PDGFD: variants seen among roughly 807,000 people sequenced by gnomAD.
PDGFD encodes platelet derived growth factor D.
Under a neutral mutation model 44.7 loss-of-function variants are expected in PDGFD, and 30 were observed. The ratio of observed to expected loss-of-function variants is 0.67; its 90% CI spans 0.50 to 0.91. The LOEUF (loss-of-function observed/expected upper bound fraction) is 0.91, where lower values mean the gene tolerates loss of function less well. Among genes scored for constraint, PDGFD ranks in the 40% least tolerant of loss-of-function variants. The pLI is 0.00. For synonymous variants in PDGFD, 173 were observed against 168.4 expected (o/e 1.03, Z -0.21); for missense variants, 445 against 457.8 (o/e 0.97, Z 0.25).
At position 103,953,561 on chromosome 11, in the gene PDGFD, GA is replaced by G. The variant is rs369948535; in HGVS notation, c.511-5838del. On this transcript the variant is annotated intron_variant, in intron 3 of 6. Coordinates refer to ENST00000393158, the MANE Select transcript of PDGFD (RefSeq NM_025208.5). ...AAATTTCTAAAACTACAATGGAAAA[GA>G]AAAAATGGACTGGATGTGTGTACAC... 6.2e-4 allele frequency among the ~76,000 whole-genome samples: 95 copies of G among 152,152 alleles called. 1 individual carries two copies. The highest frequency in any genetic ancestry group is 2.2e-3 in the African/African-American group (92 of 41,544).
intron 1 of PDGFD, among the ~76,000 whole-genome samples, chr11:104,118,236 G>C (rs1410688167): frequency 6.6e-6 from 1 of 151,734 alleles, no homozygotes; most frequent in Non-Finnish European, 1.5e-5. Context: ...GAGGTAATTA[G>C]ATCATGAGAG....
intron 1 of PDGFD, among the ~76,000 whole-genome samples, chr11:104,040,902 T>A (rs1252478553): frequency 6.6e-6 from 1 of 152,032 alleles, no homozygotes; most frequent in Non-Finnish European, 1.5e-5. Flanking sequence ...AAAATTATAT[T>A]TTATGTATCC....
intron 1 of PDGFD, among the ~76,000 whole-genome samples, chr11:104,014,321 C>G (rs759022092): frequency 6.6e-6 from 1 of 152,084 alleles, no homozygotes; most frequent in East Asian, 1.9e-4. Context: ...CACAGAGAGA[C>G]CCCATGTCTA....
At chr11:104,049,416 A>G (rs1860491922) in intron 1 of PDGFD, among the ~76,000 whole-genome samples, 1 of 152,228 alleles carries the variant, frequency 6.6e-6, no homozygotes, top group Non-Finnish European at 1.5e-5. Context: ...TGAAAGAGTA[A>G]TCTAGAAGGG....
intron 3 of PDGFD, among the ~76,000 whole-genome samples, chr11:103,957,304 T>G (rs901793096): frequency 1.3e-5 from 2 of 152,194 alleles, no homozygotes; most frequent in Non-Finnish European, 2.9e-5. Context: ...AGGTAATTTA[T>G]AGATTCAATG....
intron 1 of PDGFD, among the ~76,000 whole-genome samples, chr11:104,113,754 G>A (rs573289618): frequency 2.0e-5 from 3 of 152,118 alleles, no homozygotes; most frequent in African/African-American, 7.2e-5. Context: ...GAAAGTTCCT[G>A]TTGCTCCACA....
At chr11:103,910,890 A>T (rs573695682) in intron 6 of PDGFD, among the ~76,000 whole-genome samples, 35 of 152,186 alleles carry the variant, frequency 2.3e-4, no homozygotes, top group Non-Finnish European at 4.6e-4. Flanking sequence ...GAGCTTGGTG[A>T]GGGGAGGGGC....
At chr11:104,074,322 C>T (rs552985780) in intron 1 of PDGFD, among the ~76,000 whole-genome samples, 1 of 152,278 alleles carries the variant, frequency 6.6e-6, no homozygotes, top group African/African-American at 2.4e-5. Context: ...TTACACTATA[C>T]ACTTTGAGGT....
intron 1 of PDGFD, among the ~76,000 whole-genome samples, chr11:104,099,726 C>T (rs888790226): frequency 2.6e-5 from 4 of 151,016 alleles, no homozygotes; most frequent in Non-Finnish European, 5.9e-5. Flanking sequence ...TTGAAAATAA[C>T]TTAAATTGCT....
intron 1 of PDGFD, among the ~76,000 whole-genome samples, chr11:104,074,602 AAGC>A (rs1246727554): frequency 1.3e-5 from 2 of 152,222 alleles, no homozygotes; most frequent in African/African-American, 2.4e-5. Context: ...CAACCAATGA[AAGC>A]AGAGTGGAAA....
At chr11:104,126,885 T>C (rs1374763816) in intron 1 of PDGFD, among the ~76,000 whole-genome samples, 2 of 148,184 alleles carry the variant, frequency 1.3e-5, no homozygotes, top group Non-Finnish European at 3.0e-5. Context: ...GATGATACCC[T>C]CAGAGTAAAA....
intron 6 of PDGFD, among the ~76,000 whole-genome samples, chr11:103,919,813 C>T (rs977784557): frequency 1.4e-4 from 21 of 151,942 alleles, no homozygotes; most frequent in African/African-American, 4.8e-4. Flanking sequence ...CCGGTCTCTT[C>T]CTAACTTCTA....
intron 1 of PDGFD, among the ~76,000 whole-genome samples, chr11:104,066,111 C>T (rs920056588): frequency 1.3e-5 from 2 of 152,100 alleles, no homozygotes. Context: ...GCAGCAGCAG[C>T]ATCAGGGCAT....
At position 104,126,046 on chromosome 11, in the gene PDGFD, G is replaced by C. The variant is rs151038184; in HGVS notation, c.124+37758C>G. ...ATGTGGTCACAGTAGCGGGGAAGGAGAGGGGAAATCCTTTCCTGCCACTCC... is the reference window on the plus strand; with the variant it reads ...ATGTGGTCACAGTAGCGGGGAAGGACAGGGGAAATCCTTTCCTGCCACTCC... On this transcript the variant is annotated intron_variant, in intron 1 of 6. Transcript: ENST00000393158. Among the ~76,000 whole-genome samples the C allele has an allele frequency of 7.4e-3, 1,099 of 148,784 alleles. 7 individuals are homozygous for C. Among genetic ancestry groups the C allele is most frequent in the African/African-American group, 0.025 (985 of 40,138 alleles).
At chr11:103,999,744 C>A (rs1267626993) in intron 2 of PDGFD, among the ~76,000 whole-genome samples, 1 of 152,132 alleles carries the variant, frequency 6.6e-6, no homozygotes, top group Non-Finnish European at 1.5e-5. Flanking sequence ...TGCTGGATAC[C>A]TGTGCATAAA....
At chr11:104,072,389 G>A (rs1401360341) in intron 1 of PDGFD, among the ~76,000 whole-genome samples, 1 of 151,346 alleles carries the variant, frequency 6.6e-6, no homozygotes. Context: ...TACTGTCTAG[G>A]TATTGTGTAT....
At chr11:104,115,572 C>T (rs1344421683) in intron 1 of PDGFD, among the ~76,000 whole-genome samples, 1 of 151,684 alleles carries the variant, frequency 6.6e-6, no homozygotes, top group Non-Finnish European at 1.5e-5. Context: ...ATTGCTGGAT[C>T]AAATGGTAGT....
rs1157714622 is a variant in PDGFD at position 103,924,236 on chromosome 11, C to T, written c.987+2676G>A. 1.3e-5 allele frequency among the ~76,000 whole-genome samples: 2 copies of T among 152,188 alleles called. 1 individual carries two copies. Among genetic ancestry groups the T allele is most frequent in the Middle Eastern group, 6.3e-3 (2 of 316 alleles). Reference sequence around the variant, plus strand: ...AAGCACTCCACAAATACATCAAAGTCCTGACCTTGAATGTTCTTCCTCACA... The same window carrying T: ...AAGCACTCCACAAATACATCAAAGTTCTGACCTTGAATGTTCTTCCTCACA... On this transcript the variant is annotated intron_variant, in intron 6 of 6. Coordinates refer to ENST00000393158, the MANE Select transcript of PDGFD (RefSeq NM_025208.5).
chr11:104,052,020 C>G lies in PDGFD; in HGVS notation c.125-51765G>C, dbSNP rs536372285. Among the ~76,000 whole-genome samples, 20 of 152,246 alleles carry G rather than the reference C, an allele frequency of 1.3e-4. No individual in the cohort carries two copies. In the South Asian group the frequency reaches 3.5e-3, roughly 27 times the overall value. On this transcript the variant is annotated intron_variant, in intron 1 of 6. Transcript: ENST00000393158. Reference sequence around the variant, plus strand: ...ACACCTTATGCAATTGCTCCACATTCCCCGTTCCTCCTTGCCCCTGGCAAC... The same window carrying G: ...ACACCTTATGCAATTGCTCCACATTGCCCGTTCCTCCTTGCCCCTGGCAAC...
Sources: gnomAD v4.1 joint callset for allele counts (sites outside exome capture counted in the v4.1 genomes callset) on GRCh38, gnomAD v4.1.1 for gene constraint, MANE v1.5 for transcripts, NCBI Gene and HGNC (gene_info 2026-07-23, HGNC 2026-07-21) for gene names.